GPBP1: variants seen among roughly 807,000 people sequenced by gnomAD.
The protein encoded by GPBP1 is GC-rich promoter binding protein 1, also known as vasculin.
In GPBP1, 13 loss-of-function variants were observed where a neutral mutation model predicts 56.5. That is an observed-to-expected ratio of 0.23 (90% CI 0.15 to 0.37). The LOEUF is 0.37. Ranked by LOEUF, GPBP1 falls within the 10% of genes least tolerant of loss-of-function variation. GPBP1 has a pLI of 1.00. For synonymous variants in GPBP1, 204 were observed against 188.9 expected (o/e 1.08, Z -0.66); for missense variants, 477 against 572.3 (o/e 0.83, Z 1.70).
intron 3 of GPBP1, chr5:57,230,562 G>A (rs1010701367): frequency 1.7e-5 from 6 of 345,588 alleles, no homozygotes; most frequent in African/African-American, 1.1e-4. Context: ...GAGAAACATC[G>A]TATTTTAACT....
chr5:57,220,794 TG>T (rs995863633), intron 3 of GPBP1, among the ~76,000 whole-genome samples: 1 of 152,062 alleles, frequency 6.6e-6, no homozygotes, highest in Non-Finnish European at 1.5e-5. Flanking sequence ...ATTTGAGATT[TG>T]TTTCTTTGCC....
intron 3 of GPBP1, among the ~76,000 whole-genome samples, chr5:57,215,362 A>G (rs1755657305): frequency 6.6e-6 from 1 of 152,198 alleles, no homozygotes; most frequent in Non-Finnish European, 1.5e-5. Flanking sequence ...AGGGTGATTT[A>G]TCTGAGTTTT....
rs927870338 is a variant in GPBP1, at chr5:57,263,526, A to G, written c.*774A>G. On this transcript the variant is annotated 3_prime_UTR_variant, in exon 12 of 12. Transcript: ENST00000506184. ...TTTGATAAATTATTACACACGCAGA[A>G]AAACTGATCACACTGACTGGATCTG... is the stretch of plus-strand genomic sequence containing the variant. 2 of 152,224 alleles carry G rather than the reference A, an allele frequency of 1.3e-5. No homozygotes were observed. The highest frequency in any genetic ancestry group is 2.1e-4 in the South Asian group (1 of 4,834). 9.4% of individuals were successfully genotyped at this position (152,224 alleles called of 1,614,324 possible). A position where few individuals can be genotyped will look rare whatever the true frequency, so the allele number is the denominator to read the frequency against.
At chr5:57,203,268 C>T (rs1755094712) in intron 2 of GPBP1, among the ~76,000 whole-genome samples, 1 of 152,048 alleles carries the variant, frequency 6.6e-6, no homozygotes, top group South Asian at 2.1e-4. Flanking sequence ...TAGCAGTTTT[C>T]ATATGGAATA....
At chr5:57,196,006 A>AT (rs1182189437) in intron 2 of GPBP1, among the ~76,000 whole-genome samples, 11 of 67,024 alleles carry the variant, frequency 1.6e-4, no homozygotes, top group South Asian at 5.2e-4. Flanking sequence ...AAAAAAAAAA[A>AT]TTTTTTTTTT....
At chr5:57,197,384 T>G (rs1277499298) in intron 2 of GPBP1, among the ~76,000 whole-genome samples, 1 of 127,156 alleles carries the variant, frequency 7.9e-6, no homozygotes, top group Non-Finnish European at 1.6e-5. Flanking sequence ...TTTTGGACAG[T>G]CTCGCTCCGT....
At chr5:57,260,653 T>G (rs1295516384) in intron 10 of GPBP1, among the ~76,000 whole-genome samples, 1 of 152,190 alleles carries the variant, frequency 6.6e-6, no homozygotes, top group Non-Finnish European at 1.5e-5. Context: ...TTTTGAAGAC[T>G]CCTTGTAGGA....
rs1330062270 is a variant in GPBP1, at chr5:57,263,949, A to C, written c.*1197A>C. On this transcript the variant is annotated 3_prime_UTR_variant, in exon 12 of 12. Transcript: ENST00000506184. ...GTTTAAATATATTCTAACTTATGTA[A>C]AGAGCATAATCTTAGAGCAAAAATA... is the stretch of plus-strand genomic sequence containing the variant. 1 of 152,134 alleles carries C rather than the reference A, an allele frequency of 6.6e-6. No homozygotes were observed. Among genetic ancestry groups the C allele is most frequent in the Admixed American group, 6.6e-5 (1 of 15,264 alleles). The allele number at this position is 152,134 out of a possible 1,614,324, so 9.4% of individuals were successfully genotyped here. A position where few individuals can be genotyped will look rare whatever the true frequency, so the allele number is the denominator to read the frequency against.
chr5:57,237,146 A>G, intron 6 of GPBP1: 2 of 1,549,958 alleles, frequency 1.3e-6, no homozygotes, highest in Non-Finnish European at 8.7e-7. Flanking sequence ...TACCCAACCA[A>G]AAAAATCTCC....
chr5:57,191,891 AT>A (rs1168388882), intron 2 of GPBP1, among the ~76,000 whole-genome samples: 1 of 152,128 alleles, frequency 6.6e-6, no homozygotes, highest in Non-Finnish European at 1.5e-5. Flanking sequence ...TTTGAAATAT[AT>A]GAGCAGAATT....
intron 6 of GPBP1, chr5:57,237,198 T>A (rs1756694596): frequency 3.4e-6 from 5 of 1,458,528 alleles, no homozygotes; most frequent in Non-Finnish European, 4.7e-6. Flanking sequence ...ATTCAGTTTT[T>A]CTGGGAACAA....
chr5:57,239,373 A>T (rs1299077974), intron 6 of GPBP1, among the ~76,000 whole-genome samples: 1 of 152,228 alleles, frequency 6.6e-6, no homozygotes, highest in Non-Finnish European at 1.5e-5. Context: ...CCCCCGTTAA[A>T]GGGGGAAAGT....
intron 2 of GPBP1, among the ~76,000 whole-genome samples, chr5:57,182,718 C>T (rs1424311371): frequency 1.3e-5 from 2 of 151,986 alleles, no homozygotes; most frequent in Admixed American, 1.3e-4. Flanking sequence ...AAGTGTCACT[C>T]TGCCACCCAG....
In GPBP1 at chr5:57,183,372, A is replaced by G. The variant is rs1341557996; in HGVS notation, c.-58+6972A>G. Among the ~76,000 whole-genome samples the G allele has an allele frequency of 3.9e-5, 6 of 152,200 alleles. No individual in the cohort carries two copies. In the South Asian group the frequency reaches 1.2e-3, roughly 31 times the overall value. On this transcript the variant is annotated intron_variant, in intron 2 of 11. Coordinates refer to ENST00000506184, the MANE Select transcript of GPBP1 (RefSeq NM_022913.4). ...ACAAGAGTAAAAACTCTGTCTCTAA[A>G]TAAATAAAAACATACATACATACAA...
At chr5:57,175,004 C>G (rs1006830488) in intron 1 of GPBP1, among the ~76,000 whole-genome samples, 25 of 152,180 alleles carry the variant, frequency 1.6e-4, no homozygotes, top group Non-Finnish European at 2.9e-5. Context: ...GAGCCTCTTT[C>G]TCTTTACACT....
At chr5:57,257,401 C>T (rs1741713192) in intron 10 of GPBP1, among the ~76,000 whole-genome samples, 2 of 152,128 alleles carry the variant, frequency 1.3e-5, no homozygotes, top group Non-Finnish European at 2.9e-5. Flanking sequence ...TACTAAGGCA[C>T]ATAGATCATT....
intron 5 of GPBP1, among the ~76,000 whole-genome samples, chr5:57,232,789 A>G (rs1226834054): frequency 6.6e-6 from 1 of 152,210 alleles, no homozygotes; most frequent in East Asian, 1.9e-4. Flanking sequence ...TGCAGAAAGT[A>G]AAAATGGCCT....
At chr5:57,252,040 T>TG (rs1254105186) in intron 10 of GPBP1, among the ~76,000 whole-genome samples, 1 of 152,216 alleles carries the variant, frequency 6.6e-6, no homozygotes, top group Admixed American at 6.5e-5. Context: ...TTTATATATT[T>TG]GTGTATAAGT....
chr5:57,237,140 C>T (rs1756693201), intron 6 of GPBP1: 1 of 1,549,948 alleles, frequency 6.5e-7, no homozygotes, highest in Non-Finnish European at 8.7e-7. Flanking sequence ...CACACATACC[C>T]AACCAAAAAA....
Sources: gnomAD v4.1 joint callset for allele counts (sites outside exome capture counted in the v4.1 genomes callset) on GRCh38, gnomAD v4.1.1 for gene constraint, MANE v1.5 for transcripts, NCBI Gene and HGNC (gene_info 2026-07-23, HGNC 2026-07-21) for gene names.